The following CHN2 variants were observed in gnomAD, a reference collection of about 807,000 sequenced individuals.
CHN2 encodes the protein beta-chimaerin.
CHN2 carries 35 observed loss-of-function variants against 56.3 expected under a neutral mutation model. The observed-to-expected ratio is 0.62, with a 90% CI of 0.47 to 0.82. The LOEUF is 0.82. Ranked by LOEUF, CHN2 falls within the 40% of genes least tolerant of loss-of-function variation. The pLI is 0.00. For synonymous variants in CHN2, 210 were observed against 212.8 expected, an observed-to-expected ratio of 0.99 and a Z score of 0.12; for missense variants, 491 against 580.5, an observed-to-expected ratio of 0.85 and a Z score of 1.58.
At chr7:29,355,452 G>C (rs762124315) in intron 2 of CHN2, among the ~76,000 whole-genome samples, 27 of 152,126 alleles carry the variant, frequency 1.8e-4, no homozygotes, top group Non-Finnish European at 2.8e-4. Context: ...GATCCTGCCT[G>C]ATCATCAGTT....
chr7:29,501,732 C>T (rs1235259520), intron 9 of CHN2, among the ~76,000 whole-genome samples: 3 of 152,116 alleles, frequency 2.0e-5, no homozygotes, highest in East Asian at 3.8e-4. Context: ...ATTTGTATGA[C>T]ACCCGCATTC....
At chr7:29,176,125 A>G (rs181668255) in intron 2 of CHN2, among the ~76,000 whole-genome samples, 167 of 152,038 alleles carry the variant, frequency 1.1e-3, no homozygotes, top group African/African-American at 3.7e-3. Flanking sequence ...GGCGGAGCTT[A>G]CAGTGAGCCA....
intron 6 of CHN2, among the ~76,000 whole-genome samples, chr7:29,440,819 C>T (rs959236413): frequency 1.3e-5 from 2 of 151,848 alleles, no homozygotes; most frequent in African/African-American, 4.8e-5. Context: ...AAGAAGAAAG[C>T]CCATACATCT....
chr7:29,163,250 A>G (rs903625405), intron 2 of CHN2, among the ~76,000 whole-genome samples: 3 of 152,186 alleles, frequency 2.0e-5, no homozygotes, highest in African/African-American at 7.2e-5. Context: ...CTACAAGTGT[A>G]AAGTATATAC....
At chr7:29,465,743 C>T (rs1328963138) in intron 6 of CHN2, among the ~76,000 whole-genome samples, 1 of 152,198 alleles carries the variant, frequency 6.6e-6, no homozygotes, top group Admixed American at 6.5e-5. Context: ...TGGCCAATTA[C>T]AGTGCCGACT....
At chr7:29,371,635 G>A (rs574021864) in intron 3 of CHN2, among the ~76,000 whole-genome samples, 5 of 152,116 alleles carry the variant, frequency 3.3e-5, no homozygotes, top group African/African-American at 9.6e-5. Flanking sequence ...ACCTCTACCC[G>A]GGGCTCCAGA....
chr7:29,415,030 CATTA>C (rs1285782581), intron 6 of CHN2, among the ~76,000 whole-genome samples: 4 of 152,192 alleles, frequency 2.6e-5, no homozygotes, highest in South Asian at 2.1e-4. Context: ...CGTGTTCTTT[CATTA>C]ATTCATTCAT....
intron 2 of CHN2, among the ~76,000 whole-genome samples, chr7:29,188,110 C>T (rs760018016): frequency 1.8e-4 from 28 of 152,182 alleles, no homozygotes; most frequent in Non-Finnish European, 3.7e-4. Context: ...CTTTAATTCT[C>T]ACAGATTACT....
At chr7:29,209,694 C>T (rs1784777173) in intron 1 of CHN2, among the ~76,000 whole-genome samples, 1 of 152,168 alleles carries the variant, frequency 6.6e-6, no homozygotes, top group Non-Finnish European at 1.5e-5. Context: ...TGATTCAGCC[C>T]ACTGCCGCTT....
intron 6 of CHN2, among the ~76,000 whole-genome samples, chr7:29,450,109 G>A (rs1320898677): frequency 6.6e-6 from 1 of 152,310 alleles, no homozygotes; most frequent in Non-Finnish European, 1.5e-5. Flanking sequence ...AGAAAGGTTA[G>A]TTTCTTCTGT....
At chr7:29,349,705 T>C (rs936023024) in intron 1 of CHN2, among the ~76,000 whole-genome samples, 7 of 152,234 alleles carry the variant, frequency 4.6e-5, no homozygotes, top group Non-Finnish European at 7.3e-5. Flanking sequence ...TAGATACATA[T>C]TAGTCAAAGT....
rs879462124 is a variant in CHN2 at position 29,398,063 on chromosome 7, G to A, written c.177-310G>A. Reference sequence around the variant, plus strand: ...ATTTCCCATGGTTAAAAAAAAGGGGGGGGGGGGGCGGTGGTTGAGTAACCT... The same window carrying A: ...ATTTCCCATGGTTAAAAAAAAGGGGAGGGGGGGGCGGTGGTTGAGTAACCT... On this transcript the variant is annotated intron_variant, in intron 4 of 12. Coordinates refer to ENST00000222792, the MANE Select transcript of CHN2 (RefSeq NM_004067.4). 7 of 222,648 alleles carry A rather than the reference G, an allele frequency of 3.1e-5. 1 individual carries two copies. The East Asian group carries it at 3.9e-4, about 12-fold the overall frequency. The allele number at this position is 222,648 out of a possible 1,614,324, so 13.8% of individuals were successfully genotyped here.
At chr7:29,349,821 T>C (rs1209501576) in intron 1 of CHN2, among the ~76,000 whole-genome samples, 1 of 152,200 alleles carries the variant, frequency 6.6e-6, no homozygotes, top group Non-Finnish European at 1.5e-5. Flanking sequence ...TTTTTATTAA[T>C]ATGGGGCTTC....
chr7:29,273,388 T>TAC (rs1194733907), intron 1 of CHN2, among the ~76,000 whole-genome samples: 47 of 41,900 alleles, frequency 1.1e-3, no homozygotes, highest in African/African-American at 1.9e-3. Context: ...TATATATATA[T>TAC]ACACACACCA....
chr7:29,449,259 G>T (rs1319733573), intron 6 of CHN2, among the ~76,000 whole-genome samples: 6 of 152,100 alleles, frequency 3.9e-5, no homozygotes, highest in Admixed American at 3.9e-4. Flanking sequence ...TAAGGTGAGT[G>T]TCTGAAAAAA....
At chr7:29,293,051 C>G in intron 1 of CHN2, 1 of 455,784 alleles carries the variant, frequency 2.2e-6, no homozygotes, top group African/African-American at 2.0e-5. Context: ...GCCACATGCC[C>G]CACTCCCCGC....
chr7:29,236,527 G>T (rs245954), intron 1 of CHN2, among the ~76,000 whole-genome samples: 57,918 of 152,090 alleles, frequency 0.38, 11,231 homozygotes, highest in East Asian at 0.54. Flanking sequence ...ACACACAACT[G>T]CAATATCTTC....
chr7:29,503,186 G>A lies in CHN2; in HGVS notation c.914-1558G>A, dbSNP rs978638632. On this transcript the variant is annotated intron_variant, in intron 9 of 12. Coordinates refer to ENST00000222792, the MANE Select transcript of CHN2 (RefSeq NM_004067.4). ...AGGCTAAATGAGGTCCTGAGGGAGG[G>A]ACCCTAAACATTATGACTAATATCC... Among the ~76,000 whole-genome samples, 4 of 152,142 alleles carry A rather than the reference G, an allele frequency of 2.6e-5. No homozygotes were observed. In the East Asian group the frequency reaches 5.8e-4, roughly 22 times the overall value.
At chr7:29,228,163 C>A (rs983764400) in intron 1 of CHN2, among the ~76,000 whole-genome samples, 2 of 150,322 alleles carry the variant, frequency 1.3e-5, no homozygotes, top group African/African-American at 4.9e-5. Context: ...TATATATACA[C>A]ACACACACAC....
Sources: allele counts gnomAD v4.1 joint callset (sites outside exome capture counted in the v4.1 genomes callset), GRCh38; gene constraint gnomAD v4.1.1; transcripts MANE v1.5; gene names NCBI Gene and HGNC (gene_info 2026-07-23, HGNC 2026-07-21).